The following MESP1 variants were observed in gnomAD, a reference collection of about 807,000 sequenced individuals.
MESP1 encodes the protein mesoderm posterior bHLH transcription factor 1.
A neutral mutation model predicts 15.2 loss-of-function variants in MESP1; 22 were observed. The ratio of observed to expected loss-of-function variants is 1.45; its 90% CI spans 1.04 to 2.07. The LOEUF (loss-of-function observed/expected upper bound fraction) is 2.07, where lower values mean the gene tolerates loss of function less well. Ranked by LOEUF, MESP1 falls within the 30% of genes most tolerant of loss-of-function variation. The probability of loss-of-function intolerance (pLI) is 0.00; values close to 1 mark genes in which losing one functional copy is unlikely to be tolerated. For missense variants in MESP1, 484 were observed against 411.9 expected, an observed-to-expected ratio of 1.17 and a Z score of -1.51; for synonymous variants, 216 against 192.6, an observed-to-expected ratio of 1.12 and a Z score of -1.01.
downstream of MESP1, among the ~76,000 whole-genome samples, chr15:89,745,130 C>A (rs1967904524): frequency 6.6e-6 from 1 of 152,204 alleles, no homozygotes; most frequent in Admixed American, 6.5e-5. This position sits in a 1 kb window ranked among gnomAD's most constrained non-coding sequence, Gnocchi z 4.8. Context: ...AACAGAGGCA[C>A]CCGGCCCAGC....
At chr15:89,736,998 AG>A in the MESP1 span, among the ~76,000 whole-genome samples, 1 of 152,050 alleles carries the variant, frequency 6.6e-6, no homozygotes, top group Non-Finnish European at 1.5e-5. Context: ...TCACCGTGTT[AG>A]CCAGGATGGT....
the MESP1 span, among the ~76,000 whole-genome samples, chr15:89,742,338 G>T: frequency 1.3e-5 from 2 of 152,008 alleles, no homozygotes; most frequent in East Asian, 3.9e-4. Context: ...CTCCCCCAGA[G>T]TACTCCTCTT....
chr15:89,744,839 C>T, the MESP1 span, among the ~76,000 whole-genome samples: 10,741 of 152,280 alleles, frequency 0.071, 527 homozygotes, highest in Middle Eastern at 0.14. Flanking sequence ...CCCCTTCAGG[C>T]AGGCCTTCCA....
At chr15:89,742,514 A>AT in the MESP1 span, among the ~76,000 whole-genome samples, 85 of 150,608 alleles carry the variant, frequency 5.6e-4, no homozygotes, top group African/African-American at 1.8e-3. Context: ...TGCACTTATT[A>AT]TTTTTTTTTA....
downstream of MESP1, chr15:89,749,767 G>T: frequency 4.7e-6 from 1 of 213,012 alleles, no homozygotes; most frequent in Admixed American, 4.8e-5. Flanking sequence ...GGGCCTGTGG[G>T]GGTCGGGGGG....
rs1031753801 is a variant in MESP1, at chr15:89,750,958, T to G, written c.274A>C (p.Lys92Gln). 1 of 1,443,518 alleles carries G rather than the reference T, an allele frequency of 6.9e-7. No homozygotes were observed. The highest frequency in any genetic ancestry group is 3.0e-5 in the East Asian group (1 of 33,330). 89.4% of individuals were successfully genotyped at this position (1,443,518 alleles called of 1,614,324 possible). ...CGGGCCAGCGTGCGCATGCGCAGTT[T>G]CTCCCGCTCACTGGCGCTCTGCCTC... is the stretch of plus-strand genomic sequence containing the variant. ...GQRQSASEREKLRMRTLARAL... is the reference protein window; with the variant it reads ...GQRQSASEREQLRMRTLARAL... Residue 92 changes from lysine to glutamine, a missense_variant, in exon 1 of 2, where the codon AAA becomes CAA. Coordinates refer to ENST00000300057, the MANE Select transcript of MESP1 (RefSeq NM_018670.4).
chr15:89,745,313 AG>A (rs1967912323), downstream of MESP1, among the ~76,000 whole-genome samples: 1 of 152,212 alleles, frequency 6.6e-6, no homozygotes. The surrounding 1 kb of genome is among the most constrained non-coding windows in gnomAD (Gnocchi z 4.8). Flanking sequence ...AGAAGGAACC[AG>A]GGCCGGTCAG....
At chr15:89,737,693 G>T in the MESP1 span, 1 of 1,614,106 alleles carries the variant, frequency 6.2e-7, no homozygotes, top group African/African-American at 1.3e-5. Flanking sequence ...GCCAGTGTTT[G>T]CTGTGTCTCC....
At chr15:89,744,176 C>T in the MESP1 span, among the ~76,000 whole-genome samples, 1 of 152,186 alleles carries the variant, frequency 6.6e-6, no homozygotes, top group Non-Finnish European at 1.5e-5. Flanking sequence ...TGAGAAACTA[C>T]CTGGGAGGGT....
the MESP1 span, among the ~76,000 whole-genome samples, chr15:89,742,315 G>T: frequency 6.6e-6 from 1 of 152,008 alleles, no homozygotes; most frequent in African/African-American, 2.4e-5. Flanking sequence ...TCAAAGCTAT[G>T]GTCATTGTCT....
chr15:89,747,657 C>T (rs143022898), downstream of MESP1, among the ~76,000 whole-genome samples: 843 of 152,330 alleles, frequency 5.5e-3, 7 homozygotes, highest in African/African-American at 0.019. Context: ...TCAGCCGAAG[C>T]GAAGGCAGCA....
the MESP1 span, among the ~76,000 whole-genome samples, chr15:89,740,035 T>C: frequency 2.0e-5 from 3 of 152,170 alleles, no homozygotes; most frequent in Non-Finnish European, 4.4e-5. Context: ...AAAAAACACA[T>C]ATTGTGCACC....
At chr15:89,743,176 G>C in the MESP1 span, 1 of 969,068 alleles carries the variant, frequency 1.0e-6, no homozygotes, top group South Asian at 1.4e-5. Flanking sequence ...AGGCGATGCA[G>C]GTGTGTCCTC....
At chr15:89,748,237 T>C (rs1968009853), downstream of MESP1, among the ~76,000 whole-genome samples, 1 of 152,206 alleles carries the variant, frequency 6.6e-6, no homozygotes, top group African/African-American at 2.4e-5. Flanking sequence ...CTTCCCACTC[T>C]ACCCCAGTTA....
At chr15:89,748,952 A>T (rs1448328527), downstream of MESP1, 1 of 152,244 alleles carries the variant, frequency 6.6e-6, no homozygotes, top group Admixed American at 6.5e-5. Flanking sequence ...TGTTTCAGAC[A>T]CTTGAAGGAG....
At chr15:89,737,608 T>G in the MESP1 span, 1 of 1,614,220 alleles carries the variant, frequency 6.2e-7, no homozygotes, top group Non-Finnish European at 8.5e-7. Context: ...CTGTGTGCCT[T>G]ATGGATGTGG....
the MESP1 span, among the ~76,000 whole-genome samples, chr15:89,740,722 G>A: frequency 7.9e-5 from 12 of 152,008 alleles, no homozygotes; most frequent in East Asian, 7.8e-4. Context: ...GGCTGGTCTC[G>A]AACTACTGAC....
the MESP1 span, among the ~76,000 whole-genome samples, chr15:89,734,575 A>C: frequency 6.6e-6 from 1 of 152,234 alleles, no homozygotes; most frequent in Non-Finnish European, 1.5e-5. Flanking sequence ...ACATTCAAGC[A>C]GTAGAAAAAC....
At chr15:89,738,261 C>A in the MESP1 span, 9 of 1,555,352 alleles carry the variant, frequency 5.8e-6, no homozygotes, top group South Asian at 3.6e-5. Context: ...GTCTTCACCC[C>A]CTCCCACATC....
Sources: allele counts gnomAD v4.1 joint callset (sites outside exome capture counted in the v4.1 genomes callset), GRCh38; gene constraint gnomAD v4.1.1; non-coding constraint Gnocchi (gnomAD v3.1); transcripts MANE v1.5; gene names NCBI Gene and HGNC (gene_info 2026-07-23, HGNC 2026-07-21).